SEMA5A: variants seen among roughly 807,000 people sequenced by gnomAD.
SEMA5A encodes the protein semaphorin 5A, also known as semaphorin-5A.
A neutral mutation model predicts 135.5 loss-of-function variants in SEMA5A; 55 were observed. The ratio of observed to expected loss-of-function variants is 0.41; its 90% CI spans 0.33 to 0.51. The LOEUF is 0.51. SEMA5A is among the 20% of genes least tolerant of loss of function. The pLI is 0.37. For synonymous variants in SEMA5A, 580 were observed against 546.5 expected (o/e 1.06, Z -0.85); for missense variants, 1,290 against 1,419.9 (o/e 0.91, Z 1.47).
At chr5:9,532,396 G>A (rs181909231) in intron 1 of SEMA5A, among the ~76,000 whole-genome samples, 22 of 150,654 alleles carry the variant, frequency 1.5e-4, no homozygotes, top group African/African-American at 5.4e-4. Flanking sequence ...CTCCCAAGTA[G>A]CTGGGATTAC....
At chr5:9,503,634 A>C (rs1430927989) in intron 1 of SEMA5A, among the ~76,000 whole-genome samples, 1 of 152,240 alleles carries the variant, frequency 6.6e-6, no homozygotes, top group East Asian at 1.9e-4. Flanking sequence ...TTTTAAAAAT[A>C]AACACTTCAA....
intron 8 of SEMA5A, among the ~76,000 whole-genome samples, chr5:9,206,231 G>T (rs953212728): frequency 6.6e-6 from 1 of 152,084 alleles, no homozygotes; most frequent in Admixed American, 6.5e-5. Context: ...AGTAAAAACA[G>T]GCACGTCAGC....
intron 1 of SEMA5A, chr5:9,522,899 C>T (rs1736914449): frequency 6.6e-6 from 1 of 152,112 alleles, no homozygotes; most frequent in South Asian, 2.1e-4. Flanking sequence ...TCTCATAGCT[C>T]TTCATAATGT....
chr5:9,330,276 G>A (rs937841486), intron 4 of SEMA5A, among the ~76,000 whole-genome samples: 2 of 151,920 alleles, frequency 1.3e-5, no homozygotes, highest in Non-Finnish European at 2.9e-5. Flanking sequence ...TGTAGTCCCA[G>A]CTACTCGGGA....
At chr5:9,509,499 C>G (rs1039282258) in intron 1 of SEMA5A, among the ~76,000 whole-genome samples, 3 of 151,820 alleles carry the variant, frequency 2.0e-5, no homozygotes, top group African/African-American at 7.3e-5. Context: ...GGTCTCGAAC[C>G]CCTGACCTCA....
chr5:9,159,188 A>G (rs1743115557), intron 11 of SEMA5A, among the ~76,000 whole-genome samples: 2 of 152,182 alleles, frequency 1.3e-5, no homozygotes, highest in Non-Finnish European at 2.9e-5. Flanking sequence ...AGAGAACAGA[A>G]CTGATACATA....
chr5:9,238,289 T>G (rs1748018162), intron 5 of SEMA5A, among the ~76,000 whole-genome samples: 1 of 152,180 alleles, frequency 6.6e-6, no homozygotes, highest in Admixed American at 6.6e-5. Context: ...AATTTTAACA[T>G]TTTTATTTTA....
intron 6 of SEMA5A, among the ~76,000 whole-genome samples, chr5:9,233,451 A>G (rs889262949): frequency 6.6e-6 from 1 of 152,260 alleles, no homozygotes; most frequent in African/African-American, 2.4e-5. Flanking sequence ...CCATAAAAAC[A>G]GATTCCCCAC....
chr5:9,426,357 G>A (rs1359401353), intron 2 of SEMA5A, among the ~76,000 whole-genome samples: 1 of 151,036 alleles, frequency 6.6e-6, no homozygotes, highest in Non-Finnish European at 1.5e-5. Context: ...CCTGGGAGGC[G>A]GAGCTTGCAG....
intron 1 of SEMA5A, among the ~76,000 whole-genome samples, chr5:9,488,524 G>C (rs368847155): frequency 6.6e-6 from 1 of 152,044 alleles, no homozygotes; most frequent in Non-Finnish European, 1.5e-5. Context: ...TATTCATTAT[G>C]GCCCTCAGGT....
intron 1 of SEMA5A, among the ~76,000 whole-genome samples, chr5:9,525,165 A>G (rs1579685585): frequency 6.6e-6 from 1 of 152,240 alleles, no homozygotes; most frequent in Non-Finnish European, 1.5e-5. Flanking sequence ...GTTTCATTGG[A>G]ACACAGTCAT....
At chr5:9,102,497 T>C (rs1244688251) in intron 16 of SEMA5A, among the ~76,000 whole-genome samples, 1 of 151,994 alleles carries the variant, frequency 6.6e-6, no homozygotes, top group Non-Finnish European at 1.5e-5. Context: ...TCTATTAGAG[T>C]CTTATAAGGA....
At chr5:9,366,746 G>A (rs1305413120) in intron 3 of SEMA5A, among the ~76,000 whole-genome samples, 1 of 152,208 alleles carries the variant, frequency 6.6e-6, no homozygotes, top group Non-Finnish European at 1.5e-5. Flanking sequence ...GAATTTTCCT[G>A]AAGAGATAAA....
chr5:9,312,149 T>G (rs1004709282), intron 5 of SEMA5A, among the ~76,000 whole-genome samples: 2 of 152,090 alleles, frequency 1.3e-5, no homozygotes, highest in African/African-American at 4.8e-5. Flanking sequence ...GCCAGCTCCA[T>G]TTTTATATTT....
chr5:9,227,817 T>C (rs1747401444), intron 6 of SEMA5A, among the ~76,000 whole-genome samples: 1 of 152,244 alleles, frequency 6.6e-6, no homozygotes, highest in South Asian at 2.1e-4. Flanking sequence ...CCCAAAGTGC[T>C]GGGATTACAG....
Position 9,054,361 on chromosome 5 carries a change from A to G in SEMA5A, c.2519-104T>C, listed in dbSNP as rs1275852944. On this transcript the variant is annotated intron_variant, in intron 18 of 22. Coordinates refer to ENST00000382496, the MANE Select transcript of SEMA5A (RefSeq NM_003966.3). The stretch of plus-strand genomic sequence containing the variant: ...GTGGATTCTGTTTAGTAAGGGAAAC[A>G]AAATGGAATCTGCACTCCAGAAAGG... 6 of 1,417,752 alleles carry G rather than the reference A, an allele frequency of 4.2e-6. No homozygotes were observed. The Admixed American group carries it at 1.4e-4, about 34-fold the overall frequency. The allele number at this position is 1,417,752 out of a possible 1,614,324, so 87.8% of individuals were successfully genotyped here.
intron 1 of SEMA5A, among the ~76,000 whole-genome samples, chr5:9,541,727 C>A (rs1252499729): frequency 6.6e-6 from 1 of 152,132 alleles, no homozygotes; most frequent in East Asian, 1.9e-4. Context: ...ACAGCAATTC[C>A]TTTGGGAAAT....
intron 1 of SEMA5A, among the ~76,000 whole-genome samples, chr5:9,438,444 C>A (rs1351978882): frequency 6.6e-6 from 1 of 152,224 alleles, no homozygotes; most frequent in Non-Finnish European, 1.5e-5. Context: ...CCAATCTCGT[C>A]ATTCAATTTC....
At chr5:9,223,749 G>A (rs1045083615) in intron 8 of SEMA5A, among the ~76,000 whole-genome samples, 1 of 152,234 alleles carries the variant, frequency 6.6e-6, no homozygotes, top group African/African-American at 2.4e-5. Context: ...CTTTGTAGGT[G>A]TATGTGTATG....
Sources: gnomAD v4.1 joint callset for allele counts (sites outside exome capture counted in the v4.1 genomes callset) on GRCh38, gnomAD v4.1.1 for gene constraint, MANE v1.5 for transcripts, NCBI Gene and HGNC (gene_info 2026-07-23, HGNC 2026-07-21) for gene names.